The following TRAF3 variants were observed in gnomAD, a reference collection of about 807,000 sequenced individuals.
TRAF3 encodes the protein TNF receptor associated factor 3, also known as TNF receptor-associated factor 3.
TRAF3 carries 13 observed loss-of-function variants against 62.3 expected under a neutral mutation model. The observed-to-expected ratio is 0.21, with a 90% confidence interval of 0.14 to 0.33. The LOEUF (loss-of-function observed/expected upper bound fraction) is 0.33. TRAF3 is among the 10% of genes least tolerant of loss of function. The pLI is 1.00. For missense variants in TRAF3, 440 were observed against 741.8 expected (o/e 0.59, Z 4.73); for synonymous variants, 269 against 283.4 (o/e 0.95, Z 0.51).
intron 4 of TRAF3, 99 bp from the exon 5 acceptor site, chr14:102,875,525 C>CT (rs1222510306): frequency 6.6e-6 from 6 of 905,578 alleles, no homozygotes; most frequent in African/African-American, 3.4e-5. Flanking sequence ...GAGTTCCTCT[C>CT]TTGTTTTTTT....
chr14:102,873,319 A>G lies in TRAF3; in HGVS notation c.297+1351A>G, dbSNP rs945818740. On this transcript the variant is annotated intron_variant, in intron 4 of 11. Transcript: ENST00000392745. ...CTCTGCATTTACCTGCTGCTGCTGC[A>G]GGCTTGGTTAGTTCCTTGAGTGAAA... Among the ~76,000 whole-genome samples, 38 of 152,322 alleles carry G rather than the reference A, an allele frequency of 2.5e-4. 1 individual carries two copies. Among genetic ancestry groups the G allele is most frequent in the African/African-American group, 8.9e-4 (37 of 41,578 alleles).
At chr14:102,847,846 GGTTT>G (rs1886813230) in intron 2 of TRAF3, among the ~76,000 whole-genome samples, 1 of 151,946 alleles carries the variant, frequency 6.6e-6, no homozygotes. Context: ...ACTTTGGTTT[GGTTT>G]GTGTCTGACC....
intron 1 of TRAF3, among the ~76,000 whole-genome samples, chr14:102,816,105 AT>A (rs550927487): frequency 2.4e-3 from 351 of 144,588 alleles, no homozygotes; most frequent in South Asian, 0.012. Flanking sequence ...TCTAAATTCT[AT>A]TTTTTTTTTT....
At chr14:102,895,011 T>C (rs1224010011) in intron 9 of TRAF3, 8 of 450,210 alleles carry the variant, frequency 1.8e-5, no homozygotes, top group Non-Finnish European at 3.6e-5. Flanking sequence ...CTATTGACAA[T>C]GTTTTGGAGA....
At chr14:102,866,793 C>T (rs542571932) in intron 2 of TRAF3, among the ~76,000 whole-genome samples, 25 of 151,370 alleles carry the variant, frequency 1.7e-4, no homozygotes, top group Admixed American at 5.3e-4. Context: ...TGCAGTGAGC[C>T]ATGATGGCAC....
At chr14:102,809,303 G>A (rs1386431660) in intron 1 of TRAF3, among the ~76,000 whole-genome samples, 1 of 151,372 alleles carries the variant, frequency 6.6e-6, no homozygotes, top group African/African-American at 2.4e-5. Context: ...GCTAATTTTT[G>A]TATTTTTAGT....
intron 9 of TRAF3, among the ~76,000 whole-genome samples, chr14:102,892,213 A>T (rs1889762127): frequency 6.6e-6 from 1 of 152,022 alleles, no homozygotes; most frequent in Non-Finnish European, 1.5e-5. Context: ...GCGCACCACC[A>T]CACCCAGCTA....
chr14:102,818,138 T>C (rs1332439886), intron 1 of TRAF3, among the ~76,000 whole-genome samples: 1 of 152,170 alleles, frequency 6.6e-6, no homozygotes, highest in Non-Finnish European at 1.5e-5. Flanking sequence ...AGTGACCTTT[T>C]CCCCGTGTTC....
At chr14:102,890,617 CT>C (rs1460129341) in intron 8 of TRAF3, among the ~76,000 whole-genome samples, 2 of 152,234 alleles carry the variant, frequency 1.3e-5, no homozygotes, top group Admixed American at 1.3e-4. Flanking sequence ...CATTAAAATG[CT>C]TTCTGTGGCT....
intron 1 of TRAF3, among the ~76,000 whole-genome samples, chr14:102,788,847 T>C (rs181518754): frequency 6.6e-6 from 1 of 152,244 alleles, no homozygotes; most frequent in East Asian, 1.9e-4. Flanking sequence ...TGAGCCTGTA[T>C]GTAGTCCCAC....
Position 102,802,445 on chromosome 14 carries a change from C to T in TRAF3, c.-157+24770C>T, listed in dbSNP as rs373021120. On this transcript the variant is annotated intron_variant, in intron 1 of 11. Coordinates refer to ENST00000392745, the MANE Select transcript of TRAF3 (RefSeq NM_145725.3). ...CTGGGATTACAGGCGTGAGCCACCACGCCCAGCCAACTGTTTAAAGACATT... is the reference window on the plus strand; with the variant it reads ...CTGGGATTACAGGCGTGAGCCACCATGCCCAGCCAACTGTTTAAAGACATT... Among the ~76,000 whole-genome samples the T allele has an allele frequency of 2.1e-4, 32 of 150,202 alleles. No individual in the cohort carries two copies. In the East Asian group the frequency reaches 3.1e-3, roughly 14 times the overall value.
chr14:102,840,786 T>G (rs1186983791), intron 2 of TRAF3, among the ~76,000 whole-genome samples: 1 of 152,190 alleles, frequency 6.6e-6, no homozygotes, highest in African/African-American at 2.4e-5. Flanking sequence ...TTAAACAACT[T>G]GAAAACCAGA....
At position 102,870,209 on chromosome 14, in the gene TRAF3, C is replaced by T. The variant is rs1052600602; in HGVS notation, c.8C>T (p.Ser3Leu). The T allele has an allele frequency of 3.7e-6, 6 of 1,613,982 alleles. No individual in the cohort carries two copies. Among genetic ancestry groups the T allele is most frequent in the African/African-American group, 2.7e-5 (2 of 75,002 alleles). ...GAACTCCTCTTTCCTAAAATGGAGTCGAGTAAAAAGATGGACTCTCCTGGC... is the reference window on the plus strand; with the variant it reads ...GAACTCCTCTTTCCTAAAATGGAGTTGAGTAAAAAGATGGACTCTCCTGGC... ME[S>L]SKKMDSPGAL... is the part of the protein sequence containing the mutation. Residue 3 changes from serine (S) to leucine (L), a missense_variant, in exon 3 of 12, where the codon TCG becomes TTG. Physicochemically the swap from Ser to Leu is moderately radical, Grantham distance 145 (BLOSUM62 -2). This residue lies in a region of TRAF3 where 40 missense variants were observed against 38.3 expected (regional missense o/e 1.05). Coordinates refer to ENST00000392745, the MANE Select transcript of TRAF3 (RefSeq NM_145725.3).
At chr14:102,841,910 A>C (rs1886394755) in intron 2 of TRAF3, among the ~76,000 whole-genome samples, 1 of 152,186 alleles carries the variant, frequency 6.6e-6, no homozygotes, top group African/African-American at 2.4e-5. Flanking sequence ...GACTCAAAAA[A>C]GATTGAAATA....
rs1890571002 is a variant in TRAF3, at chr14:102,906,043, CATTTTT to C, written c.*261_*266del. On this transcript the variant is annotated 3_prime_UTR_variant, in exon 12 of 12. Transcript: ENST00000392745. ...TGCTGTCAGAGAAGGTTTTCATTTT[CATTTTT>C]AAAGATCTAGTTAATTAAGGTGGAA... 4.9e-6 allele frequency: 2 copies of C among 410,036 alleles called. No homozygotes were observed. The highest frequency in any genetic ancestry group is 4.3e-6 in the Non-Finnish European group (1 of 229,894). 25.4% of individuals were successfully genotyped at this position (410,036 alleles called of 1,614,324 possible).
At chr14:102,879,327 C>T (rs561133189) in intron 6 of TRAF3, among the ~76,000 whole-genome samples, 5 of 152,244 alleles carry the variant, frequency 3.3e-5, no homozygotes, top group Non-Finnish European at 5.9e-5. Context: ...GCCTGGAATG[C>T]GGTGACACAA....
chr14:102,842,298 TAATAA>T (rs1419482281), intron 2 of TRAF3, among the ~76,000 whole-genome samples: 1 of 146,254 alleles, frequency 6.8e-6, no homozygotes, highest in Admixed American at 6.8e-5. Context: ...ATAAAATATA[TAATAA>T]AATAAATTTA....
intron 2 of TRAF3, among the ~76,000 whole-genome samples, chr14:102,854,218 T>C (rs1887225134): frequency 6.6e-6 from 1 of 152,204 alleles, no homozygotes; most frequent in Non-Finnish European, 1.5e-5. Flanking sequence ...TACTTTTTTT[T>C]TCGCTATTGT....
At chr14:102,837,391 G>T (rs1456712888) in intron 2 of TRAF3, among the ~76,000 whole-genome samples, 1 of 152,028 alleles carries the variant, frequency 6.6e-6, no homozygotes. Flanking sequence ...CTTCCACCTT[G>T]ACCTTCCAAA....
Sources: allele counts gnomAD v4.1 joint callset (sites outside exome capture counted in the v4.1 genomes callset), GRCh38; gene constraint gnomAD v4.1.1; regional missense constraint gnomAD v4.1.1; transcripts MANE v1.5; gene names NCBI Gene and HGNC (gene_info 2026-07-23, HGNC 2026-07-21).